The following RANBP2 variants were observed in gnomAD, a reference collection of about 807,000 sequenced individuals.
RANBP2 encodes the protein RAN binding protein 2, also known as E3 SUMO-protein ligase RanBP2.
A neutral mutation model predicts 303.6 loss-of-function variants in RANBP2; 57 were observed. That is an observed-to-expected ratio of 0.19 (90% CI 0.15 to 0.23). The LOEUF (loss-of-function observed/expected upper bound fraction) is 0.23, where lower values mean the gene tolerates loss of function less well. Among genes scored for constraint, RANBP2 ranks in the 10% least tolerant of loss-of-function variants. The pLI is 1.00. For missense variants in RANBP2, 3,138 were observed against 3,780.8 expected (o/e 0.83, Z 4.46); for synonymous variants, 1,167 against 1,301.5 (o/e 0.90, Z 2.23).
At chr2:108,788,022 T>TC (rs1679200436), downstream of RANBP2, 2 of 1,522,280 alleles carry the variant, frequency 1.3e-6, no homozygotes, top group African/African-American at 2.8e-5. Flanking sequence ...TCTTTTCTTT[T>TC]TTTTTTTAGT....
chr2:109,129,929 G>T, the RANBP2 span: 87 of 1,484,672 alleles, frequency 5.9e-5, no homozygotes, highest in Non-Finnish European at 7.6e-5. Flanking sequence ...GCGGGCACCA[G>T]CCCCGGCGGC....
At chr2:109,613,808 G>T in the RANBP2 span, 6 of 1,232,960 alleles carry the variant, frequency 4.9e-6, no homozygotes, top group East Asian at 1.6e-4. Context: ...CAGGTGCCGC[G>T]CCACCTCGGA....
the RANBP2 span, among the ~76,000 whole-genome samples, chr2:108,912,136 G>GA: frequency 6.6e-6 from 1 of 152,142 alleles, no homozygotes; most frequent in East Asian, 1.9e-4. Context: ...ACCTGGGCCC[G>GA]AAACATGCTT....
the RANBP2 span, among the ~76,000 whole-genome samples, chr2:109,089,480 A>G: frequency 3.3e-5 from 5 of 151,946 alleles, no homozygotes; most frequent in Non-Finnish European, 7.4e-5. Flanking sequence ...TTGGTACACA[A>G]CTGTGGTCTC....
the RANBP2 span, among the ~76,000 whole-genome samples, chr2:109,445,813 C>A: frequency 1.3e-5 from 2 of 151,948 alleles, no homozygotes; most frequent in African/African-American, 4.8e-5. Context: ...GGAAGCGATA[C>A]CCCTGAAAAT....
At chr2:109,751,402 AC>A in the RANBP2 span, among the ~76,000 whole-genome samples, 1 of 139,398 alleles carries the variant, frequency 7.2e-6, no homozygotes, top group Non-Finnish European at 1.6e-5. Flanking sequence ...TATATCTGCA[AC>A]CACCCCCCAC....
the RANBP2 span, chr2:108,906,179 T>C: frequency 1.1e-6 from 1 of 925,908 alleles, no homozygotes; most frequent in South Asian, 1.4e-5. Flanking sequence ...GCGGCCATTC[T>C]GACCAAAGTG....
the RANBP2 span, among the ~76,000 whole-genome samples, chr2:109,151,163 C>G: frequency 2.6e-5 from 4 of 152,156 alleles, no homozygotes; most frequent in African/African-American, 9.7e-5. Context: ...GTTCTTGATT[C>G]ACAAAGTGCA....
chr2:109,215,154 T>TTC, the RANBP2 span, among the ~76,000 whole-genome samples: 6 of 152,180 alleles, frequency 3.9e-5, no homozygotes, highest in Non-Finnish European at 8.8e-5. Context: ...CTTTCTGTGT[T>TTC]TCTCTCTCTC....
chr2:109,051,055 C>G, the RANBP2 span, among the ~76,000 whole-genome samples: 3 of 152,154 alleles, frequency 2.0e-5, no homozygotes, highest in Non-Finnish European at 4.4e-5. Flanking sequence ...CTGTTTTTAT[C>G]CCATACCATT....
chr2:109,207,238 C>T, the RANBP2 span, among the ~76,000 whole-genome samples: 1 of 152,170 alleles, frequency 6.6e-6, no homozygotes, highest in Admixed American at 6.5e-5. Context: ...TTATGAGTTA[C>T]AATTATTATT....
At chr2:109,398,714 T>C in the RANBP2 span, 3 of 1,612,800 alleles carry the variant, frequency 1.9e-6, no homozygotes, top group African/African-American at 1.3e-5. Flanking sequence ...AGTCCCACTT[T>C]AAGCAGCTCA....
the RANBP2 span, among the ~76,000 whole-genome samples, chr2:109,203,243 G>A: frequency 4.8e-4 from 73 of 152,214 alleles, no homozygotes; most frequent in Non-Finnish European, 4.3e-4. Context: ...GAGCCCCAGG[G>A]CAGCATCAGG....
At chr2:109,396,584 T>C in the RANBP2 span, among the ~76,000 whole-genome samples, 2 of 152,204 alleles carry the variant, frequency 1.3e-5, no homozygotes, top group Non-Finnish European at 2.9e-5. Context: ...TTTTAACTCA[T>C]CAAGGTGCTA....
the RANBP2 span, among the ~76,000 whole-genome samples, chr2:109,450,327 C>A: frequency 6.7e-6 from 1 of 149,290 alleles, no homozygotes; most frequent in Non-Finnish European, 1.5e-5. Context: ...GCCTGGGCAA[C>A]AGAGCAAGAC....
At chr2:109,619,967 A>G in the RANBP2 span, among the ~76,000 whole-genome samples, 22 of 152,350 alleles carry the variant, frequency 1.4e-4, no homozygotes, top group Middle Eastern at 3.4e-3. Context: ...TGTGGTTCAC[A>G]TAACTACCTG....
chr2:109,443,811 A>G, the RANBP2 span, among the ~76,000 whole-genome samples: 1 of 152,258 alleles, frequency 6.6e-6, no homozygotes. Context: ...AGAGACTTTC[A>G]TGTCTCAATA....
chr2:109,050,411 AC>A, the RANBP2 span, among the ~76,000 whole-genome samples: 1 of 145,498 alleles, frequency 6.9e-6, no homozygotes, highest in South Asian at 2.4e-4. Context: ...AAGCCACCAC[AC>A]CAGGCGAATT....
the RANBP2 span, among the ~76,000 whole-genome samples, chr2:109,137,465 A>G: frequency 6.6e-6 from 1 of 152,246 alleles, no homozygotes; most frequent in African/African-American, 2.4e-5. Flanking sequence ...TGCTCAGGAG[A>G]TAAGAGAACT....
Sources: gnomAD v4.1 joint callset for allele counts (sites outside exome capture counted in the v4.1 genomes callset) on GRCh38, gnomAD v4.1.1 for gene constraint, MANE v1.5 for transcripts, NCBI Gene and HGNC (gene_info 2026-07-23, HGNC 2026-07-21) for gene names.